The following INTS12 variants were observed in gnomAD, a reference collection of about 807,000 sequenced individuals.
INTS12 encodes PHD finger protein 22.
Under a neutral mutation model 41.6 loss-of-function variants are expected in INTS12, and 13 were observed. That is an observed-to-expected ratio of 0.31 (90% confidence interval 0.20 to 0.50). The LOEUF is 0.50. Among genes scored for constraint, INTS12 ranks in the 20% least tolerant of loss-of-function variants. The pLI is 0.98. For synonymous variants in INTS12, 199 were observed against 191.4 expected, an observed-to-expected ratio of 1.04 and a Z score of -0.33; for missense variants, 432 against 541.6, an observed-to-expected ratio of 0.80 and a Z score of 2.01.
chr4:105,700,273 T>C (rs1732017793), intron 2 of INTS12: 1 of 217,004 alleles, frequency 4.6e-6, no homozygotes, highest in Non-Finnish European at 9.0e-6. Flanking sequence ...TAAATCCAGG[T>C]AGGCCTCTCC....
chr4:105,701,244 T>G (rs1243265441), intron 2 of INTS12, among the ~76,000 whole-genome samples: 1 of 151,790 alleles, frequency 6.6e-6, no homozygotes, highest in African/African-American at 2.4e-5. Flanking sequence ...TTTTTTTTTT[T>G]TTTTTTTAAG....
intron 6 of INTS12, among the ~76,000 whole-genome samples, chr4:105,688,329 T>A (rs1057397110): frequency 3.3e-5 from 5 of 152,148 alleles, no homozygotes; most frequent in Non-Finnish European, 7.4e-5. Flanking sequence ...TTGTCACCAT[T>A]TCTGGAAGCC....
At chr4:105,685,660 A>G (rs924675652) in intron 7 of INTS12, among the ~76,000 whole-genome samples, 18 of 148,784 alleles carry the variant, frequency 1.2e-4, no homozygotes, top group Admixed American at 1.1e-3. Context: ...ATTTGAGGCT[A>G]TTTTTTTTTT....
intron 2 of INTS12, among the ~76,000 whole-genome samples, chr4:105,702,678 T>C (rs1414633837): frequency 6.6e-6 from 1 of 152,126 alleles, no homozygotes; most frequent in East Asian, 1.9e-4. Context: ...AGTCAATCTT[T>C]CTTCTGTATT....
intron 1 of INTS12, chr4:105,707,931 A>C: frequency 1.0e-6 from 1 of 984,738 alleles, no homozygotes; most frequent in Non-Finnish European, 1.2e-6. Context: ...GGCAATCTCA[A>C]AAGAAGTCCA....
intron 5 of INTS12, among the ~76,000 whole-genome samples, chr4:105,692,438 C>A (rs927765364): frequency 2.2e-5 from 3 of 136,996 alleles, no homozygotes; most frequent in Non-Finnish European, 4.6e-5. Flanking sequence ...GAGCCAAGAT[C>A]ATGCCACTGC....
At chr4:105,683,859 A>T (rs1731410697) in intron 7 of INTS12, among the ~76,000 whole-genome samples, 1 of 149,982 alleles carries the variant, frequency 6.7e-6, no homozygotes, top group Non-Finnish European at 1.5e-5. Flanking sequence ...TAAACCCATT[A>T]AAAAAAAATG....
chr4:105,701,251 T>A (rs1732062384), intron 2 of INTS12, among the ~76,000 whole-genome samples: 1 of 136,442 alleles, frequency 7.3e-6, no homozygotes, highest in Non-Finnish European at 1.5e-5. Flanking sequence ...TTTTTTTTTT[T>A]AAGTTCCCAG....
At chr4:105,690,465 G>T (rs1731647316) in intron 6 of INTS12, among the ~76,000 whole-genome samples, 4 of 152,012 alleles carry the variant, frequency 2.6e-5, no homozygotes, top group Admixed American at 6.6e-5. Context: ...AGACATATAA[G>T]AGGTAGAATT....
At chr4:105,704,035 T>C (rs991655255) in intron 1 of INTS12, among the ~76,000 whole-genome samples, 6 of 152,126 alleles carry the variant, frequency 3.9e-5, no homozygotes, top group Admixed American at 3.9e-4. Context: ...TTTCAGCCTT[T>C]CTACTGGCAT....
At chr4:105,704,414 A>G (rs1732192095) in intron 1 of INTS12, among the ~76,000 whole-genome samples, 1 of 152,220 alleles carries the variant, frequency 6.6e-6, no homozygotes. Context: ...TCACGTCAGA[A>G]CTTAGAAATA....
At chr4:105,694,979 C>G (rs1459601494) in intron 4 of INTS12, among the ~76,000 whole-genome samples, 1 of 152,018 alleles carries the variant, frequency 6.6e-6, no homozygotes, top group East Asian at 1.9e-4. Flanking sequence ...GGCTGGAGTG[C>G]AGTGGCACGA....
chr4:105,706,125 C>T (rs181986012), intron 1 of INTS12, among the ~76,000 whole-genome samples: 2 of 152,098 alleles, frequency 1.3e-5, no homozygotes, highest in Admixed American at 1.3e-4. Flanking sequence ...TTGGTATTGT[C>T]CAAGTATTTG....
intron 3 of INTS12, among the ~76,000 whole-genome samples, chr4:105,696,302 C>A (rs541991502): frequency 6.6e-6 from 1 of 152,148 alleles, no homozygotes; most frequent in African/African-American, 2.4e-5. Context: ...CAGGTATACA[C>A]CCTATAGAAA....
chr4:105,694,776 T>C (rs750685563), intron 4 of INTS12, among the ~76,000 whole-genome samples: 19 of 152,242 alleles, frequency 1.2e-4, no homozygotes, highest in Non-Finnish European at 2.4e-4. Flanking sequence ...TGTATTTTTT[T>C]CTAACTACTA....
intron 1 of INTS12, chr4:105,706,561 G>C (rs1317629020): frequency 6.6e-6 from 1 of 152,148 alleles, no homozygotes; most frequent in Non-Finnish European, 1.5e-5. Flanking sequence ...TGAATCCCAT[G>C]TTTCCAAATG....
chr4:105,695,637 T>G lies in INTS12; in HGVS notation c.188A>C (p.Lys63Thr). The stretch of plus-strand genomic sequence containing the variant: ...GGGCTCTTGCTTAATGGAAATGTTT[T>G]TTGTGCTTGAAATTTTGGGTGGCTC... ...DVEPPKISST[K>T]NISIKQEPKI... The change falls in exon 4 of 8, where the codon AAA becomes ACA. Residue 63 changes from lysine (K) to threonine (T), a missense_variant. This residue lies in a region of INTS12 where 168 missense variants were observed against 198.9 expected (regional missense o/e 0.84). Coordinates refer to ENST00000340139, the MANE Select transcript of INTS12 (RefSeq NM_020395.4). 1 of 1,612,990 alleles carries G rather than the reference T, an allele frequency of 6.2e-7. No individual in the cohort carries two copies. Among genetic ancestry groups the G allele is most frequent in the South Asian group, 1.1e-5 (1 of 90,826 alleles).
rs1333039944 is a variant in INTS12 at position 105,704,398 on chromosome 4, T to G, written c.-171-589A>C. ...AAATGTGTTCTCTGAGTCAGCAGCATAGGTATCACGTCAGAACTTAGAAAT... is the reference window on the plus strand; with the variant it reads ...AAATGTGTTCTCTGAGTCAGCAGCAGAGGTATCACGTCAGAACTTAGAAAT... On this transcript the variant is annotated intron_variant, in intron 1 of 7. Transcript: ENST00000340139. 1.3e-5 allele frequency among the ~76,000 whole-genome samples: 2 copies of G among 152,242 alleles called. 1 individual carries two copies. Among genetic ancestry groups the G allele is most frequent in the South Asian group, 4.1e-4 (2 of 4,834 alleles).
At chr4:105,687,065 A>G in intron 6 of INTS12, 1 of 513,344 alleles carries the variant, frequency 1.9e-6, no homozygotes, top group South Asian at 2.3e-5. Context: ...CTTTAGAAAT[A>G]ATACAGAAGA....
Sources: gnomAD v4.1 joint callset for allele counts (sites outside exome capture counted in the v4.1 genomes callset) on GRCh38, gnomAD v4.1.1 for gene constraint, gnomAD v4.1.1 regional missense constraint, MANE v1.5 for transcripts, NCBI Gene and HGNC (gene_info 2026-07-23, HGNC 2026-07-21) for gene names.